Variants in GYG1 observed in about 807,000 individuals in gnomAD.
GYG1 encodes the protein glycogenin-1.
Under a neutral mutation model 41.9 loss-of-function variants are expected in GYG1, and 44 were observed. That is an observed-to-expected ratio of 1.05 (90% CI 0.83 to 1.35). GYG1 has a LOEUF of 1.35. Ranked by LOEUF, GYG1 falls within the 40% of genes most tolerant of loss-of-function variation. GYG1 has a pLI of 0.00. For synonymous variants in GYG1, 141 were observed against 158.1 expected, an observed-to-expected ratio of 0.89 and a Z score of 0.81; for missense variants, 429 against 418.9, an observed-to-expected ratio of 1.02 and a Z score of -0.21.
intron 4 of GYG1, among the ~76,000 whole-genome samples, chr3:148,999,600 T>A (rs1180229361): frequency 6.6e-6 from 1 of 152,250 alleles, no homozygotes; most frequent in African/African-American, 2.4e-5. Flanking sequence ...GTTGGACTTA[T>A]GCTTGATAGC....
At chr3:149,010,114 G>A (rs1484336593) in intron 5 of GYG1, among the ~76,000 whole-genome samples, 1 of 152,150 alleles carries the variant, frequency 6.6e-6, no homozygotes, top group Non-Finnish European at 1.5e-5. Flanking sequence ...AAACCAGAAA[G>A]GCAGGGCATA....
chr3:149,026,336 G>T, intron 6 of GYG1, 116 bp from the exon 7 acceptor site: 2 of 776,494 alleles, frequency 2.6e-6, no homozygotes, highest in South Asian at 2.7e-5. Context: ...GTAGCCTGTT[G>T]GGTATCATTT....
At chr3:149,021,453 G>T (rs1714370584) in intron 5 of GYG1, among the ~76,000 whole-genome samples, 4 of 152,136 alleles carry the variant, frequency 2.6e-5, no homozygotes, top group Non-Finnish European at 4.4e-5. Flanking sequence ...AACAAACCGT[G>T]GAATGATCAA....
rs2107926878 is a variant in GYG1, at chr3:149,028,464, G to GA, written c.*1531_*1532insA. ...CAAAGATTTATTTAAGTGCCTCCAT[G>GA]TGTCAGATGCTGTGGTACAAAGAAG... On this transcript the variant is annotated 3_prime_UTR_variant, in exon 8 of 8. Coordinates refer to ENST00000345003, the MANE Select transcript of GYG1 (RefSeq NM_004130.4). Among the ~76,000 whole-genome samples the GA allele has an allele frequency of 1.3e-5, 2 of 152,288 alleles. No individual in the cohort carries two copies. The highest frequency in any genetic ancestry group is 4.1e-4 in the South Asian group (2 of 4,826).
At chr3:148,992,274 C>T (rs1484310805) in intron 1 of GYG1, 2 of 155,724 alleles carry the variant, frequency 1.3e-5, no homozygotes, top group African/African-American at 2.4e-5. Flanking sequence ...GCGTCCGGGC[C>T]ACTCCACGAG....
intron 5 of GYG1, 115 bp from the exon 6 acceptor site, chr3:149,023,938 A>G: frequency 1.3e-6 from 1 of 765,474 alleles, no homozygotes; most frequent in African/African-American, 1.7e-5. Context: ...TGGGTGACAG[A>G]GTGAGACACT....
At chr3:149,004,967 T>G (rs1157659812) in intron 4 of GYG1, among the ~76,000 whole-genome samples, 1 of 152,186 alleles carries the variant, frequency 6.6e-6, no homozygotes, top group East Asian at 1.9e-4. Context: ...GACTCCTGTT[T>G]CCCAGGCTCA....
chr3:148,996,469 A>G lies in GYG1; in HGVS notation c.311A>G (p.Asp104Gly). Residue 104 changes from aspartate to glycine, a missense_variant, in exon 3 of 8, where the codon GAT becomes GGT. Asp to Gly is a moderately conservative substitution (Grantham distance 94). Transcript: ENST00000345003. ...TCAAAATGTGTATTCATGGATGCAG[A>G]TACTCTGGTGAGTGTGGCTTTGAGG... ...QYSKCVFMDA[D>G]TLVLANIDDL... 1.2e-6 allele frequency: 2 copies of G among 1,613,480 alleles called. No individual in the cohort carries two copies. Among genetic ancestry groups the G allele is most frequent in the Non-Finnish European group, 1.7e-6 (2 of 1,179,526 alleles).
At chr3:149,009,981 A>G (rs995357705) in intron 5 of GYG1, among the ~76,000 whole-genome samples, 2 of 152,222 alleles carry the variant, frequency 1.3e-5, no homozygotes, top group African/African-American at 4.8e-5. Context: ...TATTGTGGGT[A>G]GTAAGGGAGG....
At chr3:149,014,324 A>G (rs1713899064) in intron 5 of GYG1, among the ~76,000 whole-genome samples, 1 of 152,088 alleles carries the variant, frequency 6.6e-6, no homozygotes, top group Admixed American at 6.6e-5. Flanking sequence ...ACCAAGAGAA[A>G]AGCTTCCATA....
At chr3:148,995,640 GT>G in intron 2 of GYG1, among the ~76,000 whole-genome samples, 1 of 152,252 alleles carries the variant, frequency 6.6e-6, no homozygotes, top group East Asian at 1.9e-4. Context: ...AAAACGTCAA[GT>G]TTACTGTGTG....
At chr3:149,021,483 G>A (rs1297766217) in intron 5 of GYG1, among the ~76,000 whole-genome samples, 22 of 152,172 alleles carry the variant, frequency 1.4e-4, no homozygotes, top group Admixed American at 1.4e-3. Context: ...AGAGGAAAGA[G>A]CTTTACAAAT....
chr3:148,995,553 A>G (rs1467079980), intron 2 of GYG1, among the ~76,000 whole-genome samples: 1 of 152,150 alleles, frequency 6.6e-6, no homozygotes, highest in Non-Finnish European at 1.5e-5. Flanking sequence ...TGTCTAAGAA[A>G]CCAGATCTAG....
chr3:149,009,391 G>A lies in GYG1; in HGVS notation c.597G>A (p.Pro199=), dbSNP rs759325295. 5.0e-6 allele frequency: 8 copies of A among 1,612,996 alleles called. No homozygotes were observed. The highest frequency in any genetic ancestry group is 2.2e-5 in the East Asian group (1 of 44,884). ...LSSISIYSYL[P]AFKVFGASAK... ...GCATCTCTATATACTCCTACCTCCCGGCATTTAAAGTGTAAGTGCAGATGG... is the reference window on the plus strand; with the variant it reads ...GCATCTCTATATACTCCTACCTCCCAGCATTTAAAGTGTAAGTGCAGATGG... Residue 199 remains proline (P), a synonymous_variant, in exon 5 of 8, where the codon CCG becomes CCA. Coordinates refer to ENST00000345003, the MANE Select transcript of GYG1 (RefSeq NM_004130.4).
At chr3:148,998,004 T>G (rs1225410483) in intron 4 of GYG1, among the ~76,000 whole-genome samples, 4 of 152,258 alleles carry the variant, frequency 2.6e-5, no homozygotes, top group Non-Finnish European at 5.9e-5. Context: ...TGAGAATTCA[T>G]TTTTATTAAT....
chr3:148,996,553 G>A lies in GYG1; in HGVS notation c.318+77G>A, dbSNP rs1033186697. 27 of 1,352,282 alleles carry A rather than the reference G, an allele frequency of 2.0e-5. No homozygotes were observed. In the African/African-American group the frequency reaches 3.7e-4, roughly 19 times the overall value. The allele number at this position is 1,352,282 out of a possible 1,614,324, so 83.8% of individuals were successfully genotyped here. A position where few individuals can be genotyped will look rare whatever the true frequency, so the allele number is the denominator to read the frequency against. ...GGAGACCTGTAGGCATTTGAGGAAT[G>A]CTGTCAAGACTTGACGGTAAAGTTC... On this transcript the variant is annotated intron_variant, in intron 3 of 7. Coordinates refer to ENST00000345003, the MANE Select transcript of GYG1 (RefSeq NM_004130.4).
chr3:149,025,712 A>G (rs1478536622), intron 6 of GYG1, among the ~76,000 whole-genome samples: 1 of 152,208 alleles, frequency 6.6e-6, no homozygotes, highest in East Asian at 1.9e-4. Context: ...ATGGGCCTCA[A>G]ACGCAGGTCT....
rs1479157689 is a variant in GYG1, at chr3:149,029,112, T to A, written c.*2179T>A. Among the ~76,000 whole-genome samples the A allele has an allele frequency of 2.0e-5, 3 of 152,262 alleles. No homozygotes were observed. Among genetic ancestry groups the A allele is most frequent in the African/African-American group, 7.2e-5 (3 of 41,468 alleles). On this transcript the variant is annotated 3_prime_UTR_variant, in exon 8 of 8. Transcript: ENST00000345003. Reference sequence around the variant, plus strand: ...CCATAAGACATAGCATATAATGCTGTCAAGTTATTTGGCTAGAAAATCACT... The same window carrying A: ...CCATAAGACATAGCATATAATGCTGACAAGTTATTTGGCTAGAAAATCACT...
Position 148,996,412 on chromosome 3 carries a change from C to G in GYG1, c.254C>G (p.Thr85Arg). ...AGGCCAGAGTTGGGTGTCACGCTGACAAAGCTCCACTGCTGGTCGCTTACA... is the reference window on the plus strand; with the variant it reads ...AGGCCAGAGTTGGGTGTCACGCTGAGAAAGCTCCACTGCTGGTCGCTTACA... Reference protein sequence around the residue: ...MKRPELGVTLTKLHCWSLTQY... With the variant: ...MKRPELGVTLRKLHCWSLTQY... Residue 85 changes from threonine to arginine, a missense_variant, in exon 3 of 8, where the codon ACA becomes AGA. Physicochemically the swap from Thr to Arg is moderately conservative, Grantham distance 71 (BLOSUM62 -1). Transcript: ENST00000345003. The G allele has an allele frequency of 6.2e-7, 1 of 1,613,806 alleles. No homozygotes were observed. Among genetic ancestry groups the G allele is most frequent in the Non-Finnish European group, 8.5e-7 (1 of 1,179,872 alleles).
Sources: gnomAD v4.1 joint callset for allele counts (sites outside exome capture counted in the v4.1 genomes callset) on GRCh38, gnomAD v4.1.1 for gene constraint, MANE v1.5 for transcripts, NCBI Gene and HGNC (gene_info 2026-07-23, HGNC 2026-07-21) for gene names.